PTPRZ1: variants seen among roughly 807,000 people sequenced by gnomAD.
PTPRZ1 encodes protein tyrosine phosphatase receptor type Z1.
A neutral mutation model predicts 214.1 loss-of-function variants in PTPRZ1; 82 were observed. The ratio of observed to expected loss-of-function variants is 0.38; its 90% CI spans 0.32 to 0.46. PTPRZ1 has a LOEUF of 0.46. Among genes scored for constraint, PTPRZ1 ranks in the 20% least tolerant of loss-of-function variants. PTPRZ1 has a pLI of 1.00. For missense variants in PTPRZ1, 2,603 were observed against 2,748.7 expected, an observed-to-expected ratio of 0.95 and a Z score of 1.19; for synonymous variants, 945 against 987.9, an observed-to-expected ratio of 0.96 and a Z score of 0.81.
chr7:121,894,977 T>C (rs1794745182), intron 1 of PTPRZ1, among the ~76,000 whole-genome samples: 1 of 152,198 alleles, frequency 6.6e-6, no homozygotes, highest in African/African-American at 2.4e-5. Flanking sequence ...CTTGAGAGTA[T>C]CACCTTAATT....
chr7:122,010,812 C>G lies in PTPRZ1; in HGVS notation c.1766C>G (p.Ser589Cys). The G allele has an allele frequency of 6.2e-7, 1 of 1,614,064 alleles. No individual in the cohort carries two copies. ...ACTGGAGCTGAAGATTCTTCAGGCT[C>G]CAGTCCCGCAACTTCTGCTATCCCA... is the stretch of plus-strand genomic sequence containing the variant. ...LDTGAEDSSG[S>C]SPATSAIPFI... Residue 589 changes from serine to cysteine, a missense_variant, in exon 12 of 30, where the codon TCC becomes TGC. Ser to Cys is a moderately radical substitution (Grantham distance 112, BLOSUM62 -1). This residue lies in a region of PTPRZ1 where 1,913 missense variants were observed against 1,914.3 expected (regional missense o/e 1.00). Coordinates refer to ENST00000393386, the MANE Select transcript of PTPRZ1 (RefSeq NM_002851.3).
chr7:122,014,501 C>T (rs1007643748), intron 12 of PTPRZ1, among the ~76,000 whole-genome samples: 2 of 152,022 alleles, frequency 1.3e-5, no homozygotes, highest in Admixed American at 1.3e-4. Context: ...TGCAGTGGTG[C>T]AATCTCGGCT....
chr7:121,916,058 G>T (rs1469936021), intron 1 of PTPRZ1, among the ~76,000 whole-genome samples: 1 of 151,922 alleles, frequency 6.6e-6, no homozygotes, highest in African/African-American at 2.4e-5. Context: ...GGCAGATCAT[G>T]AAGTCAAGAG....
intron 1 of PTPRZ1, among the ~76,000 whole-genome samples, chr7:121,884,105 C>CG (rs75365005): frequency 1.4e-5 from 2 of 141,164 alleles, no homozygotes; most frequent in African/African-American, 5.4e-5. Context: ...AAAATATAGA[C>CG]AGTTGTGCTA....
intron 8 of PTPRZ1, among the ~76,000 whole-genome samples, chr7:121,994,339 G>A (rs866822035): frequency 1.9e-5 from 2 of 107,728 alleles, no homozygotes; most frequent in African/African-American, 7.2e-5. Context: ...CTGTTGCCCC[G>A]GCTGGAGTGC....
At chr7:122,038,509 CTTTTT>C (rs140553499) in intron 18 of PTPRZ1, among the ~76,000 whole-genome samples, 1 of 106,296 alleles carries the variant, frequency 9.4e-6, no homozygotes, top group East Asian at 2.8e-4. Context: ...GAGAGCTATT[CTTTTT>C]TTTTTTTTTT....
intron 28 of PTPRZ1, 132 bp from the exon 29 acceptor site, chr7:122,059,621 A>G (rs534509848): frequency 2.2e-5 from 22 of 1,013,224 alleles, no homozygotes; most frequent in African/African-American, 2.1e-4. Context: ...GCAAAAAGCG[A>G]AGAGAGACAA....
At chr7:121,957,292 C>T (rs937999204) in intron 2 of PTPRZ1, among the ~76,000 whole-genome samples, 2 of 152,128 alleles carry the variant, frequency 1.3e-5, no homozygotes, top group Admixed American at 1.3e-4. Flanking sequence ...TCTCCTTTCG[C>T]ATCCCCTTCA....
At chr7:122,028,009 C>T (rs1025749745) in intron 13 of PTPRZ1, among the ~76,000 whole-genome samples, 6 of 152,132 alleles carry the variant, frequency 3.9e-5, no homozygotes, top group Non-Finnish European at 7.4e-5. Flanking sequence ...TTCATTTCTA[C>T]GTAGTTCATA....
At chr7:121,996,336 C>A in intron 8 of PTPRZ1, 46 bp from the exon 9 acceptor site, 5 of 1,381,518 alleles carry the variant, frequency 3.6e-6, no homozygotes, top group African/African-American at 2.9e-5. Flanking sequence ...TATTCAAGTC[C>A]TCAAGGCTAA....
intron 1 of PTPRZ1, among the ~76,000 whole-genome samples, chr7:121,914,947 A>G (rs1330959079): frequency 1.5e-4 from 23 of 152,156 alleles, no homozygotes; most frequent in Admixed American, 1.5e-3. Context: ...AGTTTCCCGT[A>G]AGTAATTTGG....
chr7:121,939,475 T>C (rs1474654614), intron 2 of PTPRZ1, among the ~76,000 whole-genome samples: 1 of 152,224 alleles, frequency 6.6e-6, no homozygotes, highest in Admixed American at 6.5e-5. Context: ...AATAAATAAA[T>C]GACATGTAGT....
In PTPRZ1 at chr7:121,936,981, G is replaced by A. The variant is rs183954278; in HGVS notation, c.124+8760G>A. On this transcript the variant is annotated intron_variant, in intron 2 of 29. Transcript: ENST00000393386. ...AGTGTTTTGTTCAGATGAGATAACC[G>A]CTTGACTGAACCAGAGCTGGGCCTT... is the stretch of plus-strand genomic sequence containing the variant. Among the ~76,000 whole-genome samples, 194 of 152,228 alleles carry A rather than the reference G, an allele frequency of 1.3e-3. 1 individual carries two copies. The highest frequency in any genetic ancestry group is 4.3e-3 in the African/African-American group (180 of 41,522).
chr7:121,919,223 A>G (rs919826869), intron 1 of PTPRZ1, among the ~76,000 whole-genome samples: 1 of 152,020 alleles, frequency 6.6e-6, no homozygotes, highest in Non-Finnish European at 1.5e-5. Flanking sequence ...ACCTTTGACA[A>G]CTGGTTAGCT....
At chr7:121,888,028 T>C (rs1794452336) in intron 1 of PTPRZ1, among the ~76,000 whole-genome samples, 1 of 152,158 alleles carries the variant, frequency 6.6e-6, no homozygotes, top group African/African-American at 2.4e-5. Context: ...TTGCTGTCAA[T>C]AGCTGTATTG....
At chr7:122,041,328 T>A (rs1472331077) in intron 21 of PTPRZ1, among the ~76,000 whole-genome samples, 1 of 152,142 alleles carries the variant, frequency 6.6e-6, no homozygotes, top group Non-Finnish European at 1.5e-5. Flanking sequence ...ATGCTTGAGC[T>A]ACAACCCCTG....
rs1798731649 is a variant in PTPRZ1, at chr7:122,013,129, A to G, written c.4083A>G (p.Val1361=). ...CAACAGTTGCTTCTGATACATTTGT[A>G]TCTACTGATCATTCTGTTCCTATAG... ...GIPTVASDTF[V]STDHSVPIGN... Residue 1361 remains valine, a synonymous_variant, in exon 12 of 30, where the codon GTA becomes GTG. Transcript: ENST00000393386. 4 of 1,614,066 alleles carry G rather than the reference A, an allele frequency of 2.5e-6. No homozygotes were observed. Among genetic ancestry groups the G allele is most frequent in the Non-Finnish European group, 3.4e-6 (4 of 1,179,880 alleles).
chr7:121,913,472 T>C (rs1457705700), intron 1 of PTPRZ1, among the ~76,000 whole-genome samples: 1 of 152,232 alleles, frequency 6.6e-6, no homozygotes, highest in African/African-American at 2.4e-5. Flanking sequence ...TTTTCATCTG[T>C]AGCACCAGCA....
chr7:121,961,899 C>T (rs974616806), intron 2 of PTPRZ1, among the ~76,000 whole-genome samples: 3 of 152,138 alleles, frequency 2.0e-5, no homozygotes, highest in African/African-American at 7.2e-5. Flanking sequence ...AAATGAATAA[C>T]TTAGGTTAAT....
Sources: gnomAD v4.1 joint callset for allele counts (sites outside exome capture counted in the v4.1 genomes callset) on GRCh38, gnomAD v4.1.1 for gene constraint, gnomAD v4.1.1 regional missense constraint, MANE v1.5 for transcripts, NCBI Gene and HGNC (gene_info 2026-07-23, HGNC 2026-07-21) for gene names.